HS6ST3: variants seen among roughly 807,000 people sequenced by gnomAD.
HS6ST3 encodes heparan sulfate 6-O-sulfotransferase 3.
HS6ST3 carries 12 observed loss-of-function variants against 36.7 expected under a neutral mutation model. The observed-to-expected ratio is 0.33, with a 90% confidence interval of 0.21 to 0.53. The LOEUF is 0.53. Among genes scored for constraint, HS6ST3 ranks in the 20% least tolerant of loss-of-function variants. HS6ST3 has a pLI of 0.95. For synonymous variants in HS6ST3, 240 were observed against 257.5 expected, an observed-to-expected ratio of 0.93 and a Z score of 0.65; for missense variants, 584 against 640.9, an observed-to-expected ratio of 0.91 and a Z score of 0.96.
chr13:96,092,702 A>G (rs1430164846), intron 1 of HS6ST3, among the ~76,000 whole-genome samples: 3 of 152,188 alleles, frequency 2.0e-5, no homozygotes, highest in Admixed American at 6.5e-5. Flanking sequence ...GAAAAGCTTC[A>G]TTTACTGGAA....
chr13:96,606,124 A>G (rs2056437865), intron 1 of HS6ST3, among the ~76,000 whole-genome samples: 1 of 152,132 alleles, frequency 6.6e-6, no homozygotes, highest in Admixed American at 6.5e-5. Context: ...CACTGTTGGG[A>G]ATGTAAATTA....
chr13:96,223,671 T>C (rs914643084), intron 1 of HS6ST3, among the ~76,000 whole-genome samples: 4 of 152,066 alleles, frequency 2.6e-5, no homozygotes, highest in African/African-American at 9.7e-5. Context: ...GGGAAGTTTT[T>C]GTCGTTTTTT....
intron 1 of HS6ST3, among the ~76,000 whole-genome samples, chr13:96,329,360 C>T (rs867635204): frequency 1.0e-4 from 13 of 125,534 alleles, no homozygotes; most frequent in African/African-American, 3.3e-4. Context: ...TGAATGCGTC[C>T]CAGAGATTCT....
intron 1 of HS6ST3, among the ~76,000 whole-genome samples, chr13:96,659,247 A>C (rs968108328): frequency 6.6e-6 from 1 of 152,082 alleles, no homozygotes; most frequent in African/African-American, 2.4e-5. Context: ...TGGTTATTTT[A>C]ATTTGCGTTT....
intron 1 of HS6ST3, among the ~76,000 whole-genome samples, chr13:96,306,337 T>C (rs1435377464): frequency 6.6e-6 from 1 of 151,870 alleles, no homozygotes; most frequent in Non-Finnish European, 1.5e-5. Context: ...CTCTTGATCT[T>C]GTGATCTGCC....
chr13:96,260,268 T>G (rs533048021), intron 1 of HS6ST3, among the ~76,000 whole-genome samples: 1 of 150,128 alleles, frequency 6.7e-6, no homozygotes, highest in South Asian at 2.1e-4. Context: ...CCTTCCTTCC[T>G]TTCTTCTTTC....
At chr13:96,095,863 G>GGTGTGTGTGTGTGTGTGTGTGTGTGT (rs141939376) in intron 1 of HS6ST3, among the ~76,000 whole-genome samples, 9 of 140,314 alleles carry the variant, frequency 6.4e-5, no homozygotes, top group African/African-American at 2.4e-4. Flanking sequence ...TTATATGACT[G>GGTGTGTGTGTGTGTGTGTGTGTGTGT]GTGTGTGTGT....
chr13:96,702,588 G>A (rs1378036848), intron 1 of HS6ST3, among the ~76,000 whole-genome samples: 1 of 152,154 alleles, frequency 6.6e-6, no homozygotes, highest in East Asian at 1.9e-4. Flanking sequence ...TTGGGTATCA[G>A]CACAGCTTGT....
intron 1 of HS6ST3, among the ~76,000 whole-genome samples, chr13:96,459,552 G>A (rs2055772647): frequency 6.6e-6 from 1 of 152,198 alleles, no homozygotes; most frequent in Admixed American, 6.5e-5. Context: ...TAGGCACGCA[G>A]TTTTGGAAAG....
At chr13:96,745,377 G>A (rs1417296337) in intron 1 of HS6ST3, among the ~76,000 whole-genome samples, 1 of 152,064 alleles carries the variant, frequency 6.6e-6, no homozygotes, top group Non-Finnish European at 1.5e-5. Context: ...GTGACAAAAG[G>A]TGTTAGGATT....
intron 1 of HS6ST3, among the ~76,000 whole-genome samples, chr13:96,664,864 C>T (rs2056658293): frequency 6.6e-6 from 1 of 152,056 alleles, no homozygotes; most frequent in African/African-American, 2.4e-5. Context: ...TCTTCTTTAG[C>T]ATTCTCTCAT....
At chr13:96,335,250 C>G (rs764209990) in intron 1 of HS6ST3, among the ~76,000 whole-genome samples, 1 of 152,052 alleles carries the variant, frequency 6.6e-6, no homozygotes, top group African/African-American at 2.4e-5. Flanking sequence ...GTGAGGTGTC[C>G]CAGGAACTCT....
intron 1 of HS6ST3, among the ~76,000 whole-genome samples, chr13:96,404,914 C>T (rs1210551441): frequency 6.6e-6 from 1 of 152,162 alleles, no homozygotes; most frequent in Non-Finnish European, 1.5e-5. Flanking sequence ...CGGATCTTTC[C>T]TGCGTTGTGC....
At position 96,133,715 on chromosome 13, in the gene HS6ST3, G is replaced by A. The variant is rs922380807; in HGVS notation, c.707+42146G>A. On this transcript the variant is annotated intron_variant, in intron 1 of 1. Transcript: ENST00000376705. The stretch of plus-strand genomic sequence containing the variant: ...TGGGATTACAGGTGTGAGCCACTCT[G>A]CCTGGCCCTGTGCAGAAGCTTTTTA... Among the ~76,000 whole-genome samples the A allele has an allele frequency of 3.3e-5, 5 of 152,160 alleles. No individual in the cohort carries two copies. The East Asian group carries it at 9.6e-4, about 29-fold the overall frequency.
At chr13:96,235,099 G>C (rs1446317786) in intron 1 of HS6ST3, among the ~76,000 whole-genome samples, 1 of 151,998 alleles carries the variant, frequency 6.6e-6, no homozygotes, top group Non-Finnish European at 1.5e-5. Context: ...CATTTATTAA[G>C]ACCATGTTGT....
At chr13:96,626,718 G>GT (rs1241592132) in intron 1 of HS6ST3, among the ~76,000 whole-genome samples, 1 of 151,656 alleles carries the variant, frequency 6.6e-6, no homozygotes, top group Non-Finnish European at 1.5e-5. Context: ...TCAAATTTTT[G>GT]TTTTTTTGTA....
chr13:96,803,510 G>A (rs1878131341), intron 1 of HS6ST3, among the ~76,000 whole-genome samples: 1 of 152,174 alleles, frequency 6.6e-6, no homozygotes, highest in Non-Finnish European at 1.5e-5. Flanking sequence ...CGTACCCAGA[G>A]GGGCAGGTGA....
At chr13:96,148,766 A>T (rs2054069901) in intron 1 of HS6ST3, among the ~76,000 whole-genome samples, 2 of 152,216 alleles carry the variant, frequency 1.3e-5, no homozygotes, top group Non-Finnish European at 2.9e-5. Context: ...CCAGGTAGCT[A>T]CACAGAGCTG....
At position 96,431,265 on chromosome 13, in the gene HS6ST3, A is replaced by C. The variant is rs1022590919; in HGVS notation, c.707+339696A>C. Among the ~76,000 whole-genome samples the C allele has an allele frequency of 1.1e-4, 16 of 148,628 alleles. No individual in the cohort carries two copies. In the East Asian group the frequency reaches 3.1e-3, roughly 29 times the overall value. ...CAACAACAACAACAACAAATAAACC[A>C]AAACCAAAACCAAACAGAAAAAGGA... On this transcript the variant is annotated intron_variant, in intron 1 of 1. Coordinates refer to ENST00000376705, the MANE Select transcript of HS6ST3 (RefSeq NM_153456.4).
Sources: gnomAD v4.1 joint callset for allele counts (sites outside exome capture counted in the v4.1 genomes callset) on GRCh38, gnomAD v4.1.1 for gene constraint, MANE v1.5 for transcripts, NCBI Gene and HGNC (gene_info 2026-07-23, HGNC 2026-07-21) for gene names.